ZC3H3: variants seen among roughly 807,000 people sequenced by gnomAD.
The protein encoded by ZC3H3 is zinc finger CCCH domain-containing protein 3.
Under a neutral mutation model 77.3 loss-of-function variants are expected in ZC3H3, and 36 were observed. The observed-to-expected ratio is 0.47, with a 90% CI of 0.36 to 0.61. The LOEUF is 0.61. Ranked by LOEUF, ZC3H3 falls within the 20% of genes least tolerant of loss-of-function variation. The pLI, the probability that ZC3H3 is intolerant of heterozygous loss-of-function variation, is 0.00. For synonymous variants in ZC3H3, 626 were observed against 555.2 expected, an observed-to-expected ratio of 1.13 and a Z score of -1.79; for missense variants, 1,331 against 1,312.2, an observed-to-expected ratio of 1.01 and a Z score of -0.22.
chr8:143,460,226 C>T lies in ZC3H3; in HGVS notation c.2307+5491G>A, dbSNP rs569305688. Among the ~76,000 whole-genome samples the T allele has an allele frequency of 5.3e-5, 8 of 150,142 alleles. No homozygotes were observed. The South Asian group carries it at 1.1e-3, about 20-fold the overall frequency. Reference sequence around the variant, plus strand: ...TCATGCCATTGCACTCCAGCCTGGGCGACAGAGTGAGACTATGTCTCAAAA... The same window carrying T: ...TCATGCCATTGCACTCCAGCCTGGGTGACAGAGTGAGACTATGTCTCAAAA... On this transcript the variant is annotated intron_variant, in intron 9 of 11. Transcript: ENST00000262577. This position sits in a 1 kb window ranked among gnomAD's most constrained non-coding sequence, Gnocchi z 4.0.
chr8:143,498,852 A>C, intron 4 of ZC3H3, among the ~76,000 whole-genome samples: 1 of 89,492 alleles, frequency 1.1e-5, no homozygotes, highest in Admixed American at 1.2e-4. Flanking sequence ...GCAGAGGGGT[A>C]CAGGGCAGGG....
At chr8:143,496,281 CACT>C (rs1821349155) in intron 4 of ZC3H3, among the ~76,000 whole-genome samples, 1 of 152,190 alleles carries the variant, frequency 6.6e-6, no homozygotes, top group Admixed American at 6.5e-5. Flanking sequence ...ACCTTAGCAC[CACT>C]GACACCTGTG....
At chr8:143,518,343 C>T (rs1822128068) in intron 3 of ZC3H3, among the ~76,000 whole-genome samples, 2 of 152,214 alleles carry the variant, frequency 1.3e-5, no homozygotes, top group South Asian at 4.1e-4. Context: ...CAACTGGCTG[C>T]CGGGCGGCAC....
chr8:143,480,224 A>C (rs190625950), intron 4 of ZC3H3, among the ~76,000 whole-genome samples: 29 of 152,240 alleles, frequency 1.9e-4, no homozygotes, highest in Admixed American at 6.5e-4. Flanking sequence ...GTTTTCCTGA[A>C]AGCCCAGGGG....
chr8:143,523,604 G>A (rs975928951), intron 3 of ZC3H3: 22 of 917,352 alleles, frequency 2.4e-5, no homozygotes, highest in East Asian at 1.2e-4. Context: ...CAGGACATCC[G>A]TTTGAGGACC....
intron 10 of ZC3H3, 112 bp from the exon 11 acceptor site, chr8:143,440,475 A>G: frequency 7.0e-7 from 1 of 1,437,612 alleles, no homozygotes; most frequent in Non-Finnish European, 9.1e-7. Context: ...CCGTGGTCTC[A>G]GGGCAGAGCT....
chr8:143,500,973 C>T (rs1286653782), intron 4 of ZC3H3, among the ~76,000 whole-genome samples: 5 of 138,934 alleles, frequency 3.6e-5, no homozygotes, highest in African/African-American at 7.8e-5. Flanking sequence ...CTACCATGCC[C>T]GACCTTTTTT....
chr8:143,515,265 C>T (rs1821998196), intron 3 of ZC3H3, among the ~76,000 whole-genome samples: 1 of 152,252 alleles, frequency 6.6e-6, no homozygotes, highest in South Asian at 2.1e-4. Context: ...ATGGAGCCAG[C>T]CTGTGGCGCA....
chr8:143,538,837 G>T lies in ZC3H3; in HGVS notation c.530C>A (p.Thr177Lys), dbSNP rs547169616. The change falls in exon 2 of 12, where the codon ACA (threonine) becomes AAA (lysine). Residue 177 changes from threonine (T) to lysine (K), a missense_variant. Physicochemically the swap from Thr to Lys is moderately conservative, Grantham distance 78. Around this residue, in one of 3 missense-constraint regions of ZC3H3, gnomAD observed 978 missense variants for 915.5 expected, o/e 1.07. Transcript: ENST00000262577. ...CACACTGCAGGTCCCCCTGGCTCTT[G>T]TTGGCCTCGAGGGCTGCAGCTGTCC... ...PRGQLQPSRP[T>K]RARGTCSVED... 3.2e-5 allele frequency: 52 copies of T among 1,612,308 alleles called. 1 individual carries two copies. Among genetic ancestry groups the T allele is most frequent in the South Asian group, 2.5e-4 (23 of 91,028 alleles).
chr8:143,520,779 T>C (rs1822216396), intron 3 of ZC3H3, among the ~76,000 whole-genome samples: 1 of 152,162 alleles, frequency 6.6e-6, no homozygotes, highest in African/African-American at 2.4e-5. Flanking sequence ...ACAGTGTCCT[T>C]CTGCCCCATG....
intron 9 of ZC3H3, among the ~76,000 whole-genome samples, chr8:143,445,685 CCT>C (rs1348903646): frequency 6.6e-6 from 1 of 150,494 alleles, no homozygotes; most frequent in Non-Finnish European, 1.5e-5. Flanking sequence ...ACAGTGACAC[CCT>C]GTCTCTGTCT....
In ZC3H3 at chr8:143,501,657, G is replaced by A. The variant is rs192440919; in HGVS notation, c.1715+6089C>T. Among the ~76,000 whole-genome samples, 9 of 152,240 alleles carry A rather than the reference G, an allele frequency of 5.9e-5. No homozygotes were observed. In the East Asian group the frequency reaches 9.7e-4, roughly 16 times the overall value. On this transcript the variant is annotated intron_variant, in intron 4 of 11. Coordinates refer to ENST00000262577, the MANE Select transcript of ZC3H3 (RefSeq NM_015117.3). ...GAGCCATCATGCCTGGCCACGGGGC[G>A]CTGGTTTTACATAAAGATTCATCCC... is the stretch of plus-strand genomic sequence containing the variant.
intron 3 of ZC3H3, among the ~76,000 whole-genome samples, chr8:143,516,442 C>G (rs1822045986): frequency 6.6e-6 from 1 of 152,056 alleles, no homozygotes; most frequent in Non-Finnish European, 1.5e-5. Flanking sequence ...CTCGCTGCCC[C>G]CATTAGGCCC....
At chr8:143,477,713 AC>A (rs1205702115) in intron 4 of ZC3H3, among the ~76,000 whole-genome samples, 1 of 152,046 alleles carries the variant, frequency 6.6e-6, no homozygotes, top group East Asian at 1.9e-4. Context: ...CCTGGGGGAC[AC>A]TCAGCTTGAC....
rs527524512 is a variant in ZC3H3, at chr8:143,446,088, C to T, written c.2308-4968G>A. 2.0e-5 allele frequency among the ~76,000 whole-genome samples: 3 copies of T among 152,296 alleles called. No homozygotes were observed. In the South Asian group the frequency reaches 6.2e-4, roughly 32 times the overall value. On this transcript the variant is annotated intron_variant, in intron 9 of 11. Transcript: ENST00000262577. ...CGACAGGAGGGAGGGCTGCACCGCA[C>T]ACCCGCTGGAAACAATGGGCTTTTC...
chr8:143,480,696 T>C (rs1458027411), intron 4 of ZC3H3, among the ~76,000 whole-genome samples: 3 of 152,224 alleles, frequency 2.0e-5, no homozygotes, highest in African/African-American at 7.2e-5. Flanking sequence ...TCCAGCCCTC[T>C]GAGCACCCGG....
Position 143,440,939 on chromosome 8 carries a change from G to A in ZC3H3, c.2489C>T (p.Pro830Leu). 2 of 1,426,166 alleles carry A rather than the reference G, an allele frequency of 1.4e-6. No homozygotes were observed. The highest frequency in any genetic ancestry group is 1.8e-6 in the Non-Finnish European group (2 of 1,094,426). The allele number at this position is 1,426,166 out of a possible 1,614,324, so 88.3% of individuals were successfully genotyped here. A position where few individuals can be genotyped will look rare whatever the true frequency, so the allele number is the denominator to read the frequency against. Residue 830 changes from proline to leucine, a missense_variant, in exon 10 of 12, where the codon CCC becomes CTC. Coordinates refer to ENST00000262577, the MANE Select transcript of ZC3H3 (RefSeq NM_015117.3). ...ACAGTGCCCACTGCCCCATCACCTG[G>A]GCCCGTGGCTGGCCGAGACCCTGCT... ...ARSRVSASHGPRKPSASQRPT... is the reference protein window; with the variant it reads ...ARSRVSASHGLRKPSASQRPT...
At chr8:143,459,533 G>A (rs533477097) in intron 9 of ZC3H3, among the ~76,000 whole-genome samples, 1 of 151,928 alleles carries the variant, frequency 6.6e-6, no homozygotes, top group African/African-American at 2.4e-5. Context: ...TGGGCAACAA[G>A]AGCAAAACTC....
At chr8:143,452,787 A>G (rs1820021890) in intron 9 of ZC3H3, among the ~76,000 whole-genome samples, 1 of 152,242 alleles carries the variant, frequency 6.6e-6, no homozygotes, top group African/African-American at 2.4e-5. Context: ...CAGAAAGAAA[A>G]TAAGGTTTAA....
Sources: gnomAD v4.1 joint callset for allele counts (sites outside exome capture counted in the v4.1 genomes callset) on GRCh38, gnomAD v4.1.1 for gene constraint, gnomAD v4.1.1 regional missense constraint, Gnocchi (gnomAD v3.1) non-coding constraint, MANE v1.5 for transcripts, NCBI Gene and HGNC (gene_info 2026-07-23, HGNC 2026-07-21) for gene names.